FAM174B: variants seen among roughly 807,000 people sequenced by gnomAD.
FAM174B encodes family with sequence similarity 174 member B.
Under a neutral mutation model 10.9 loss-of-function variants are expected in FAM174B, and 12 were observed. The observed-to-expected ratio is 1.10, with a 90% CI of 0.71 to 1.79. The LOEUF is 1.79. Ranked by LOEUF, FAM174B falls within the 40% of genes most tolerant of loss-of-function variation. The probability of loss-of-function intolerance (pLI) is 0.00; values close to 1 mark genes in which losing one functional copy is unlikely to be tolerated. For synonymous variants in FAM174B, 132 were observed against 115.8 expected (o/e 1.14, Z -0.90); for missense variants, 266 against 233.3 (o/e 1.14, Z -0.91).
At chr15:92,629,274 A>T (rs1232372189) in intron 2 of FAM174B, among the ~76,000 whole-genome samples, 1 of 152,212 alleles carries the variant, frequency 6.6e-6, no homozygotes, top group Non-Finnish European at 1.5e-5. Flanking sequence ...AACTATGCTC[A>T]TCCTCAGCTC....
intron 1 of FAM174B, chr15:92,653,134 A>G (rs2050978224): frequency 6.6e-6 from 1 of 152,054 alleles, no homozygotes; most frequent in Non-Finnish European, 1.5e-5. Flanking sequence ...CTGAAAACTC[A>G]CCCTAACAAG....
chr15:92,655,599 C>T lies in FAM174B; in HGVS notation c.61G>A (p.Ala21Thr), dbSNP rs1461275573. The change falls in exon 1 of 3, where the codon GCT becomes ACT. Residue 21 changes from alanine to threonine, a missense_variant. Physicochemically the swap from Ala to Thr is moderately conservative, Grantham distance 58. Transcript: ENST00000327355. ...LPLLLLALLA[A>T]PAARASRAES... ...GCTCTGCTGGCGCGGGCGGCGGGAG[C>T]GGCCAGGAGCGCGAGCAGCAGCAGC... 5 of 1,279,362 alleles carry T rather than the reference C, an allele frequency of 3.9e-6. No homozygotes were observed. The highest frequency in any genetic ancestry group is 5.9e-5 in the South Asian group (2 of 33,944). 79.3% of individuals were successfully genotyped at this position (1,279,362 alleles called of 1,614,324 possible). A position where few individuals can be genotyped will look rare whatever the true frequency, so the allele number is the denominator to read the frequency against.
At chr15:92,635,346 A>G (rs1484001512) in intron 1 of FAM174B, among the ~76,000 whole-genome samples, 1 of 152,180 alleles carries the variant, frequency 6.6e-6, no homozygotes, top group Non-Finnish European at 1.5e-5. Context: ...CTCTCTTTAC[A>G]AAAGAAGAGC....
intron 1 of FAM174B, among the ~76,000 whole-genome samples, chr15:92,652,250 C>T (rs558610554): frequency 3.2e-4 from 49 of 152,294 alleles, no homozygotes; most frequent in African/African-American, 1.2e-3. Flanking sequence ...ATTCAAAAAT[C>T]GAGTGTGCTT....
At chr15:92,619,981 T>C (rs1406155382) in intron 2 of FAM174B, 1 of 159,400 alleles carries the variant, frequency 6.3e-6, no homozygotes, top group East Asian at 1.8e-4. Flanking sequence ...TATTCTTCCT[T>C]TGGTTCTTTT....
At chr15:92,639,406 C>A (rs779732773) in intron 1 of FAM174B, among the ~76,000 whole-genome samples, 1 of 152,230 alleles carries the variant, frequency 6.6e-6, no homozygotes, top group Non-Finnish European at 1.5e-5. Flanking sequence ...AAGATACCGA[C>A]CAATTTCTGC....
chr15:92,617,618 T>C lies in FAM174B; in HGVS notation c.*1838A>G. 1.5e-6 allele frequency: 1 copy of C among 649,790 alleles called. No homozygotes were observed. The highest frequency in any genetic ancestry group is 2.7e-6 in the Non-Finnish European group (1 of 365,778). 40.3% of individuals were successfully genotyped at this position (649,790 alleles called of 1,614,324 possible). On this transcript the variant is annotated 3_prime_UTR_variant, in exon 3 of 3. Transcript: ENST00000327355. ...AGAGGAATCCAGCTTTTCCATGAGA[T>C]TCAGCTGCAGTTGTCGAAAACCCTG...
intron 1 of FAM174B, among the ~76,000 whole-genome samples, chr15:92,641,313 A>G (rs79894504): frequency 9.0e-4 from 137 of 152,372 alleles, no homozygotes; most frequent in African/African-American, 3.1e-3. Context: ...GTGTGACAAT[A>G]TCCATCAGTT....
intron 2 of FAM174B, among the ~76,000 whole-genome samples, chr15:92,627,739 C>G (rs978984075): frequency 6.6e-6 from 1 of 152,186 alleles, no homozygotes; most frequent in Non-Finnish European, 1.5e-5. Context: ...TTGATCCACT[C>G]GAACCATTAA....
intron 1 of FAM174B, chr15:92,645,508 G>A (rs2050920616): frequency 6.6e-6 from 1 of 152,280 alleles, no homozygotes; most frequent in Non-Finnish European, 1.5e-5. Flanking sequence ...TAAATCCAAT[G>A]CTTACTCTTC....
chr15:92,636,316 A>T (rs181317555), intron 1 of FAM174B, among the ~76,000 whole-genome samples: 72 of 148,800 alleles, frequency 4.8e-4, no homozygotes, highest in African/African-American at 1.8e-3. Context: ...CCTGACTCAA[A>T]ATAATAATAA....
intron 2 of FAM174B, 25 bp from the exon 3 acceptor site, chr15:92,619,484 T>C (rs753104848): frequency 1.9e-6 from 3 of 1,611,412 alleles, no homozygotes; most frequent in South Asian, 1.1e-5. Flanking sequence ...AGGACAAGAG[T>C]AAGCCCCTTC....
At chr15:92,621,021 T>C (rs571025696) in intron 2 of FAM174B, among the ~76,000 whole-genome samples, 2 of 152,274 alleles carry the variant, frequency 1.3e-5, no homozygotes, top group African/African-American at 4.8e-5. Flanking sequence ...TATTACATAA[T>C]ACCAAATATA....
chr15:92,645,977 C>G (rs2050924325), intron 1 of FAM174B, among the ~76,000 whole-genome samples: 1 of 152,158 alleles, frequency 6.6e-6, no homozygotes, highest in South Asian at 2.1e-4. Flanking sequence ...CCTCTTCTTC[C>G]TCACCAAACC....
At chr15:92,619,547 C>G in intron 2 of FAM174B, 88 bp from the exon 3 acceptor site, 1 of 1,473,336 alleles carries the variant, frequency 6.8e-7, no homozygotes, top group South Asian at 1.3e-5. Context: ...TATCCCTCAC[C>G]CTCTCAGCCA....
intron 1 of FAM174B, 39 bp from the exon 2 acceptor site, chr15:92,630,384 G>A (rs929240984): frequency 3.2e-6 from 5 of 1,571,568 alleles, no homozygotes; most frequent in Non-Finnish European, 4.3e-6. Context: ...ACACAGCTGG[G>A]AGAGAAAGAG....
chr15:92,617,633 C>T lies in FAM174B; in HGVS notation c.*1823G>A, dbSNP rs919234177. 15 of 658,768 alleles carry T rather than the reference C, an allele frequency of 2.3e-5. No individual in the cohort carries two copies. The highest frequency in any genetic ancestry group is 8.2e-5 in the South Asian group (5 of 60,828). The allele number at this position is 658,768 out of a possible 1,614,324, so 40.8% of individuals were successfully genotyped here. A position where few individuals can be genotyped will look rare whatever the true frequency, so the allele number is the denominator to read the frequency against. On this transcript the variant is annotated 3_prime_UTR_variant, in exon 3 of 3. Coordinates refer to ENST00000327355, the MANE Select transcript of FAM174B (RefSeq NM_207446.3). The stretch of plus-strand genomic sequence containing the variant: ...TTCCATGAGATTCAGCTGCAGTTGT[C>T]GAAAACCCTGTGTGAGCCAGCAGTT...
At chr15:92,646,041 C>T (rs945725178) in intron 1 of FAM174B, among the ~76,000 whole-genome samples, 7 of 151,240 alleles carry the variant, frequency 4.6e-5, no homozygotes, top group African/African-American at 1.7e-4. Context: ...TCTCTATGCC[C>T]TTCAGGACAG....
intron 2 of FAM174B, chr15:92,627,360 A>G (rs2050760002): frequency 5.8e-6 from 1 of 171,216 alleles, no homozygotes; most frequent in African/African-American, 2.4e-5. Flanking sequence ...GTCAGCCTAG[A>G]AAAGGAACTC....
Sources: gnomAD v4.1 joint callset for allele counts (sites outside exome capture counted in the v4.1 genomes callset) on GRCh38, gnomAD v4.1.1 for gene constraint, MANE v1.5 for transcripts, NCBI Gene and HGNC (gene_info 2026-07-23, HGNC 2026-07-21) for gene names.